NSUN7: variants seen among roughly 807,000 people sequenced by gnomAD.
The protein encoded by NSUN7 is NOP2/Sun RNA methyltransferase family member 7, also known as protein NSUN7.
NSUN7 carries 39 observed loss-of-function variants against 58.5 expected under a neutral mutation model. That is an observed-to-expected ratio of 0.67 (90% CI 0.52 to 0.87). The LOEUF is 0.87. Ranked by LOEUF, NSUN7 falls within the 40% of genes least tolerant of loss-of-function variation. NSUN7 has a pLI of 0.00. For missense variants in NSUN7, 765 were observed against 844.1 expected (o/e 0.91, Z 1.16); for synonymous variants, 278 against 303.7 (o/e 0.92, Z 0.88).
intron 4 of NSUN7, among the ~76,000 whole-genome samples, chr4:40,767,524 AGGTGT>A (rs560778607): frequency 1.0e-3 from 159 of 152,284 alleles, no homozygotes; most frequent in African/African-American, 3.7e-3. Flanking sequence ...ATTTTGGAAT[AGGTGT>A]GGTGTGGTGC....
Position 40,806,976 on chromosome 4 carries a change from A to C in NSUN7, c.1401-85A>C, listed in dbSNP as rs527287643. ...TTAAACGATTGGTAAAGTATACTAG[A>C]AAAAAATGTAGTGTAATTTACTTTC... On this transcript the variant is annotated intron_variant, in intron 10 of 11. Transcript: ENST00000381782. 2.9e-6 allele frequency: 4 copies of C among 1,396,972 alleles called. No individual in the cohort carries two copies. The African/African-American group carries it at 5.8e-5, about 20-fold the overall frequency. The allele number at this position is 1,396,972 out of a possible 1,614,324, so 86.5% of individuals were successfully genotyped here.
intron 4 of NSUN7, among the ~76,000 whole-genome samples, chr4:40,770,129 G>GAACCCA: frequency 6.7e-6 from 1 of 149,464 alleles, no homozygotes. Flanking sequence ...AGAATCACTT[G>GAACCCA]AACCCGGGAG....
chr4:40,803,299 C>A (rs1400769485), intron 10 of NSUN7, among the ~76,000 whole-genome samples: 2 of 152,188 alleles, frequency 1.3e-5, no homozygotes, highest in South Asian at 4.2e-4. Flanking sequence ...TGGGTATATA[C>A]CCAGTAATGG....
At chr4:40,804,015 AAAAG>A (rs1743714515) in intron 10 of NSUN7, among the ~76,000 whole-genome samples, 1 of 152,242 alleles carries the variant, frequency 6.6e-6, no homozygotes. Flanking sequence ...GTCTAAAACA[AAAAG>A]AAAGAAAATA....
At position 40,790,613 on chromosome 4, in the gene NSUN7, C is replaced by T; in HGVS notation, c.1048C>T (p.Leu350Phe). Residue 350 changes from leucine to phenylalanine, a missense_variant, in exon 8 of 12, where the codon CTT (leucine) becomes TTT (phenylalanine). By Grantham distance (22) the Leu-to-Phe change is conservative. Coordinates refer to ENST00000381782, the MANE Select transcript of NSUN7 (RefSeq NM_024677.6). ...TGTTTTTTCCCCAGATATTGAAATA[C>T]TTCATGAGAAATTTATTAACATTGA... ...TKIGCKNIEI[L>F]HEKFINIESK... 6.4e-7 allele frequency: 1 copy of T among 1,551,156 alleles called. No homozygotes were observed. Among genetic ancestry groups the T allele is most frequent in the Non-Finnish European group, 8.8e-7 (1 of 1,142,720 alleles).
At chr4:40,795,994 A>G (rs1482471755) in intron 9 of NSUN7, among the ~76,000 whole-genome samples, 1 of 152,220 alleles carries the variant, frequency 6.6e-6, no homozygotes, top group Non-Finnish European at 1.5e-5. Flanking sequence ...ATCTTTGACC[A>G]GAGCAACAAG....
chr4:40,774,716 GTTTT>G, intron 5 of NSUN7, 47 bp from the exon 6 acceptor site: 1 of 1,157,304 alleles, frequency 8.6e-7, no homozygotes, highest in South Asian at 1.6e-5. Flanking sequence ...TGTTAAGGAC[GTTTT>G]TAATGTATTA....
At chr4:40,799,267 G>C (rs1027187873) in intron 10 of NSUN7, among the ~76,000 whole-genome samples, 4 of 151,636 alleles carry the variant, frequency 2.6e-5, no homozygotes, top group African/African-American at 4.8e-5. Flanking sequence ...TGTATTTTTA[G>C]TAGAGATGGG....
Position 40,750,234 on chromosome 4 carries a change from G to A in NSUN7, c.-158G>A, listed in dbSNP as rs974286004. Reference sequence around the variant, plus strand: ...CGCCCCGCAGTCCCGGGGCTCCCAAGGGCCTGTGACCGACGCCGCCCTCCG... The same window carrying A: ...CGCCCCGCAGTCCCGGGGCTCCCAAAGGCCTGTGACCGACGCCGCCCTCCG... On this transcript the variant is annotated 5_prime_UTR_variant, in exon 1 of 12. Coordinates refer to ENST00000381782, the MANE Select transcript of NSUN7 (RefSeq NM_024677.6). 4.5e-5 allele frequency: 7 copies of A among 156,238 alleles called. No homozygotes were observed. Among genetic ancestry groups the A allele is most frequent in the African/African-American group, 1.7e-4 (7 of 41,480 alleles). 9.7% of individuals were successfully genotyped at this position (156,238 alleles called of 1,614,324 possible).
At chr4:40,763,403 T>TTGG (rs5857744) in intron 4 of NSUN7, among the ~76,000 whole-genome samples, 126,423 of 151,868 alleles carry the variant, frequency 0.83, 53,251 homozygotes, top group African/African-American at 0.95. Flanking sequence ...CAGAGGAAAC[T>TTGG]TGGAGCAATA....
chr4:40,773,544 G>A (rs1188239303), intron 4 of NSUN7, among the ~76,000 whole-genome samples: 1 of 151,998 alleles, frequency 6.6e-6, no homozygotes, highest in African/African-American at 2.4e-5. Flanking sequence ...TTAGCTGGGT[G>A]TGGTGGTGCA....
chr4:40,807,228 T>C (rs1417713402), intron 11 of NSUN7, 44 bp downstream of exon 11: 2 of 1,517,622 alleles, frequency 1.3e-6, no homozygotes, highest in South Asian at 1.2e-5. Flanking sequence ...TTGGAATTAA[T>C]AAACTACAAA....
At chr4:40,756,588 C>T (rs1435874574) in intron 2 of NSUN7, among the ~76,000 whole-genome samples, 1 of 152,172 alleles carries the variant, frequency 6.6e-6, no homozygotes, top group Non-Finnish European at 1.5e-5. Context: ...GTGAAGTGCA[C>T]GTACTTTGGT....
intron 10 of NSUN7, among the ~76,000 whole-genome samples, 180 bp downstream of exon 10, chr4:40,799,084 T>G (rs994469769): frequency 7.2e-6 from 1 of 139,258 alleles, no homozygotes; most frequent in African/African-American, 2.7e-5. Flanking sequence ...TTTTTTTTTT[T>G]TTTTTTTTTT....
intron 9 of NSUN7, among the ~76,000 whole-genome samples, chr4:40,795,413 G>C (rs1419880986): frequency 6.6e-6 from 1 of 152,156 alleles, no homozygotes; most frequent in African/African-American, 2.4e-5. Flanking sequence ...TATGATCTAG[G>C]AAATAAGTTG....
intron 10 of NSUN7, among the ~76,000 whole-genome samples, 175 bp downstream of exon 10, chr4:40,799,079 T>TTTTG (rs1743453327): frequency 3.3e-4 from 6 of 18,318 alleles, no homozygotes; most frequent in South Asian, 8.3e-4. Context: ...TTTTCTTTTT[T>TTTTG]TTTTTTTTTT....
At chr4:40,782,589 C>T (rs62302837) in intron 7 of NSUN7, among the ~76,000 whole-genome samples, 19 of 151,704 alleles carry the variant, frequency 1.3e-4, no homozygotes, top group South Asian at 2.1e-4. Context: ...AAATTAGGGC[C>T]GGGTGCAGTG....
At position 40,750,818 on chromosome 4, in the gene NSUN7, A is replaced by G. The variant is rs373595935; in HGVS notation, c.125A>G (p.Tyr42Cys). The G allele has an allele frequency of 1.4e-5, 23 of 1,614,174 alleles. No homozygotes were observed. Among genetic ancestry groups the G allele is most frequent in the Middle Eastern group, 3.3e-4 (2 of 6,062 alleles). Residue 42 changes from tyrosine to cysteine, a missense_variant, in exon 2 of 12, where the codon TAT becomes TGT. Transcript: ENST00000381782. ...SSAGVPEKTGYPDSVYVMAAN... is the reference protein window; with the variant it reads ...SSAGVPEKTGCPDSVYVMAAN... ...GCTGGTGTGCCCGAAAAAACGGGCT[A>G]TCCGGACTCCGTTTATGTCATGGCA...
chr4:40,758,710 CAA>C (rs1400181161), intron 2 of NSUN7, among the ~76,000 whole-genome samples: 1 of 151,688 alleles, frequency 6.6e-6, no homozygotes, highest in African/African-American at 2.4e-5. Context: ...AAAATAAAAA[CAA>C]TAAAAAAATA....
Sources: allele counts gnomAD v4.1 joint callset (sites outside exome capture counted in the v4.1 genomes callset), GRCh38; gene constraint gnomAD v4.1.1; transcripts MANE v1.5; gene names NCBI Gene and HGNC (gene_info 2026-07-23, HGNC 2026-07-21).